KCNAB1: variants seen among roughly 807,000 people sequenced by gnomAD.
KCNAB1 encodes voltage-gated potassium channel subunit beta-1.
Under a neutral mutation model 64.6 loss-of-function variants are expected in KCNAB1, and 35 were observed. The observed-to-expected ratio is 0.54, with a 90% CI of 0.41 to 0.72. The LOEUF (loss-of-function observed/expected upper bound fraction) is 0.72, where lower values mean the gene tolerates loss of function less well. KCNAB1 is among the 30% of genes least tolerant of loss of function. The pLI is 0.00. For missense variants in KCNAB1, 401 were observed against 512.9 expected (o/e 0.78, Z 2.11); for synonymous variants, 177 against 183.8 (o/e 0.96, Z 0.30).
chr3:156,229,670 A>G (rs1716402097), intron 1 of KCNAB1, among the ~76,000 whole-genome samples: 3 of 152,126 alleles, frequency 2.0e-5, no homozygotes, highest in Admixed American at 2.0e-4. Flanking sequence ...GTCTTAAATG[A>G]GGGGTATAGA....
chr3:156,266,433 T>C (rs1351099633), intron 1 of KCNAB1, among the ~76,000 whole-genome samples: 3 of 152,208 alleles, frequency 2.0e-5, no homozygotes, highest in Non-Finnish European at 4.4e-5. Flanking sequence ...TTTAAATCCC[T>C]TTTTTCATTC....
At position 156,402,159 on chromosome 3, in the gene KCNAB1, A is replaced by G. The variant is rs562103501; in HGVS notation, c.276-19457A>G. ...GAACTTAAAGTATAATTTAAAAAAA[A>G]AAAGAGAGAAAAGAAAAGAAAAAGT... On this transcript the variant is annotated intron_variant, in intron 1 of 13. Coordinates refer to ENST00000490337, the MANE Select transcript of KCNAB1 (RefSeq NM_172160.3). Among the ~76,000 whole-genome samples, 9 of 152,178 alleles carry G rather than the reference A, an allele frequency of 5.9e-5. 1 individual carries two copies. The highest frequency in any genetic ancestry group is 1.3e-4 in the Admixed American group (2 of 15,284).
intron 1 of KCNAB1, among the ~76,000 whole-genome samples, chr3:156,227,419 C>T (rs186689851): frequency 6.6e-6 from 1 of 151,866 alleles, no homozygotes; most frequent in African/African-American, 2.4e-5. Flanking sequence ...TAAAGTGGGA[C>T]GATTCCAAGC....
At chr3:156,182,695 A>ATTTTTTTTTTTTTTTTTTTTTTTTTTT (rs10624040) in intron 1 of KCNAB1, among the ~76,000 whole-genome samples, 1 of 132,718 alleles carries the variant, frequency 7.5e-6, no homozygotes, top group Non-Finnish European at 1.6e-5. Flanking sequence ...AAGTAAGACA[A>ATTTTTTTTTTTTTTTTTTTTTTTTTTT]TTTTTTTTTT....
intron 1 of KCNAB1, among the ~76,000 whole-genome samples, chr3:156,152,039 G>A (rs1164454883): frequency 1.3e-5 from 2 of 152,222 alleles, no homozygotes; most frequent in African/African-American, 4.8e-5. Flanking sequence ...ATGCCTGCAG[G>A]AAGGTCTCCT....
chr3:156,204,257 G>A (rs910842064), intron 1 of KCNAB1, among the ~76,000 whole-genome samples: 34 of 152,252 alleles, frequency 2.2e-4, no homozygotes, highest in African/African-American at 7.7e-4. Context: ...CAGGTGGGGC[G>A]GGACTGAGAT....
intron 1 of KCNAB1, among the ~76,000 whole-genome samples, chr3:156,262,454 A>G (rs1718486503): frequency 6.6e-6 from 1 of 151,874 alleles, no homozygotes; most frequent in Non-Finnish European, 1.5e-5. Flanking sequence ...CTGATTATGC[A>G]TTCTTTTCCT....
intron 1 of KCNAB1, among the ~76,000 whole-genome samples, chr3:156,195,152 A>T (rs560783550): frequency 3.7e-4 from 57 of 152,322 alleles, no homozygotes; most frequent in African/African-American, 1.3e-3. Flanking sequence ...TCCATGGTGT[A>T]TATGTGCCAC....
At chr3:156,129,150 C>A (rs1005328043) in intron 1 of KCNAB1, among the ~76,000 whole-genome samples, 1 of 152,038 alleles carries the variant, frequency 6.6e-6, no homozygotes, top group Non-Finnish European at 1.5e-5. Context: ...TTTTGTCAGT[C>A]GTTGATTTTT....
At position 156,140,752 on chromosome 3, in the gene KCNAB1, G is replaced by A. The variant is rs1455730109; in HGVS notation, c.275+19866G>A. Among the ~76,000 whole-genome samples, 3 of 152,228 alleles carry A rather than the reference G, an allele frequency of 2.0e-5. No individual in the cohort carries two copies. The East Asian group carries it at 5.8e-4, about 29-fold the overall frequency. On this transcript the variant is annotated intron_variant, in intron 1 of 13. Coordinates refer to ENST00000490337, the MANE Select transcript of KCNAB1 (RefSeq NM_172160.3). Reference sequence around the variant, plus strand: ...AAATACGGCAGAAATCACAAGGGGTGTGCAAATGTTTGTGAAACGGTTTAG... The same window carrying A: ...AAATACGGCAGAAATCACAAGGGGTATGCAAATGTTTGTGAAACGGTTTAG...
At chr3:156,522,319 C>A (rs923426560) in intron 11 of KCNAB1, among the ~76,000 whole-genome samples, 9 of 152,174 alleles carry the variant, frequency 5.9e-5, no homozygotes, top group Admixed American at 5.2e-4. Flanking sequence ...GTTTTTCCCA[C>A]TGAGGACACC....
chr3:156,493,676 C>T (rs1392544598), intron 8 of KCNAB1, among the ~76,000 whole-genome samples: 4 of 152,130 alleles, frequency 2.6e-5, no homozygotes, highest in African/African-American at 9.7e-5. Flanking sequence ...TGTAGCTACT[C>T]ATCATGTGTC....
chr3:156,237,687 T>C (rs551557400), intron 1 of KCNAB1, among the ~76,000 whole-genome samples: 5 of 152,220 alleles, frequency 3.3e-5, no homozygotes, highest in Non-Finnish European at 5.9e-5. Flanking sequence ...CTCCTCCAAG[T>C]GGCTGTTTTC....
rs544783754 is a variant in KCNAB1 at position 156,153,609 on chromosome 3, G to A, written c.275+32723G>A. ...AGACTGCCCTCCCCACTGTGGTTGG[G>A]CGTCATCCAGTCATTTGAAGTTGAA... is the stretch of plus-strand genomic sequence containing the variant. On this transcript the variant is annotated intron_variant, in intron 1 of 13. Coordinates refer to ENST00000490337, the MANE Select transcript of KCNAB1 (RefSeq NM_172160.3). 2.6e-5 allele frequency among the ~76,000 whole-genome samples: 4 copies of A among 152,298 alleles called. No homozygotes were observed. The South Asian group carries it at 6.2e-4, about 24-fold the overall frequency.
At chr3:156,493,467 A>C (rs1186799348) in intron 8 of KCNAB1, among the ~76,000 whole-genome samples, 2 of 152,126 alleles carry the variant, frequency 1.3e-5, no homozygotes, top group African/African-American at 4.8e-5. Context: ...AATTTCAGAC[A>C]TAAAAAGTAA....
chr3:156,530,811 T>A (rs895233317), intron 12 of KCNAB1, among the ~76,000 whole-genome samples: 3 of 152,024 alleles, frequency 2.0e-5, no homozygotes, highest in African/African-American at 7.3e-5. Flanking sequence ...CTACAAGAGT[T>A]CCAAGCAACA....
chr3:156,302,954 C>T (rs908109669), intron 1 of KCNAB1, among the ~76,000 whole-genome samples: 7 of 152,164 alleles, frequency 4.6e-5, no homozygotes. Context: ...CAGCGCATTC[C>T]CAGTGCATCT....
chr3:156,218,820 T>TA (rs1349664765), intron 1 of KCNAB1, among the ~76,000 whole-genome samples: 19 of 130,122 alleles, frequency 1.5e-4, no homozygotes, highest in African/African-American at 4.9e-4. Flanking sequence ...TAAAATAAAA[T>TA]AAAAATAAAT....
At chr3:156,456,159 CTTAG>C (rs1274656156) in intron 3 of KCNAB1, 1 of 152,212 alleles carries the variant, frequency 6.6e-6, no homozygotes, top group African/African-American at 2.4e-5. Flanking sequence ...ACTCTTCAGA[CTTAG>C]TTGGTGATGT....
Sources: allele counts gnomAD v4.1 joint callset (sites outside exome capture counted in the v4.1 genomes callset), GRCh38; gene constraint gnomAD v4.1.1; transcripts MANE v1.5; gene names NCBI Gene and HGNC (gene_info 2026-07-23, HGNC 2026-07-21).